Variants in FIP1L1 observed in about 807,000 individuals in gnomAD.
FIP1L1 encodes pre-mRNA 3'-end-processing factor FIP1.
A neutral mutation model predicts 84.6 loss-of-function variants in FIP1L1; 21 were observed. The observed-to-expected ratio is 0.25, with a 90% confidence interval of 0.18 to 0.36. The LOEUF is 0.36. Ranked by LOEUF, FIP1L1 falls within the 10% of genes least tolerant of loss-of-function variation. The probability of loss-of-function intolerance (pLI) is 1.00; values close to 1 mark genes in which losing one functional copy is unlikely to be tolerated. For missense variants in FIP1L1, 526 were observed against 751.1 expected (o/e 0.70, Z 3.50); for synonymous variants, 263 against 242.3 (o/e 1.09, Z -0.80).
chr4:53,415,113 C>A (rs758410531), intron 11 of FIP1L1, among the ~76,000 whole-genome samples: 1 of 152,116 alleles, frequency 6.6e-6, no homozygotes, highest in Non-Finnish European at 1.5e-5. Flanking sequence ...TAAAATTTGA[C>A]TCTACTGAAT....
intron 11 of FIP1L1, among the ~76,000 whole-genome samples, chr4:53,416,485 A>C (rs1285858415): frequency 1.3e-5 from 2 of 152,204 alleles, no homozygotes; most frequent in Non-Finnish European, 2.9e-5. Flanking sequence ...TCAAACCTGA[A>C]ACTCTTTATT....
intron 3 of FIP1L1, 125 bp from the exon 4 acceptor site, chr4:53,382,153 C>T (rs1578100566): frequency 1.6e-6 from 1 of 618,846 alleles, no homozygotes; most frequent in South Asian, 2.4e-5. Flanking sequence ...CAGATTTTAC[C>T]ATTACTGTCT....
intron 16 of FIP1L1, among the ~76,000 whole-genome samples, chr4:53,457,369 A>C (rs1252423552): frequency 6.6e-6 from 1 of 152,152 alleles, no homozygotes; most frequent in East Asian, 1.9e-4. Flanking sequence ...ACAAAAGTAC[A>C]TATTTATGGG....
intron 5 of FIP1L1, among the ~76,000 whole-genome samples, chr4:53,385,675 G>C (rs1159282625): frequency 6.6e-6 from 1 of 152,082 alleles, no homozygotes; most frequent in East Asian, 1.9e-4. Context: ...ATTTTCAAAT[G>C]CTCACAAAAG....
intron 10 of FIP1L1, among the ~76,000 whole-genome samples, chr4:53,405,452 A>C (rs1002562972): frequency 6.6e-6 from 1 of 151,954 alleles, no homozygotes; most frequent in Non-Finnish European, 1.5e-5. Flanking sequence ...TGATGCCTCC[A>C]GTTTGTTCTT....
At chr4:53,421,342 C>T (rs1260783816) in intron 11 of FIP1L1, among the ~76,000 whole-genome samples, 2 of 152,172 alleles carry the variant, frequency 1.3e-5, no homozygotes, top group Non-Finnish European at 2.9e-5. Flanking sequence ...CTGTTGCAAG[C>T]AAATGGATAG....
At chr4:53,388,487 C>T (rs1161271581) in intron 5 of FIP1L1, among the ~76,000 whole-genome samples, 2 of 151,998 alleles carry the variant, frequency 1.3e-5, no homozygotes, top group African/African-American at 4.8e-5. Flanking sequence ...GGCGCCCACC[C>T]CCATGCCTGG....
intron 10 of FIP1L1, among the ~76,000 whole-genome samples, chr4:53,411,692 T>C (rs935209986): frequency 7.9e-5 from 12 of 152,198 alleles, no homozygotes; most frequent in African/African-American, 2.9e-4. Flanking sequence ...TTAATGTATA[T>C]GTAAGTGTTG....
chr4:53,420,231 C>G (rs1336547583), intron 11 of FIP1L1, among the ~76,000 whole-genome samples: 1 of 128,040 alleles, frequency 7.8e-6, no homozygotes, highest in East Asian at 2.3e-4. Context: ...AAAAACCAGC[C>G]TGACCAACAT....
At chr4:53,388,716 A>G (rs1742526608) in intron 5 of FIP1L1, among the ~76,000 whole-genome samples, 3 of 152,244 alleles carry the variant, frequency 2.0e-5, no homozygotes, top group African/African-American at 4.8e-5. Context: ...CTAGTAACAG[A>G]AAAGTCTCTT....
At chr4:53,384,790 G>A (rs1740037966) in intron 5 of FIP1L1, among the ~76,000 whole-genome samples, 1 of 152,168 alleles carries the variant, frequency 6.6e-6, no homozygotes, top group South Asian at 2.1e-4. Context: ...AATGTGTTTT[G>A]TTTTTCAAAT....
At chr4:53,443,976 CT>C in intron 14 of FIP1L1, 71 bp from the exon 15 acceptor site, 1 of 1,016,120 alleles carries the variant, frequency 9.8e-7, no homozygotes, top group East Asian at 2.6e-5. Context: ...CTTGTTTTTC[CT>C]TTTGTACTAC....
chr4:53,452,190 AT>A lies in FIP1L1; in HGVS notation c.1286-728del, dbSNP rs1212712124. ...AGCCACTGCACCTGGCATGATAGAC[AT>A]TCTTTTGGTAAAGTCTGTTGGTTGT... is the stretch of plus-strand genomic sequence containing the variant. On this transcript the variant is annotated intron_variant, in intron 15 of 17. Transcript: ENST00000337488. 2.5e-4 allele frequency among the ~76,000 whole-genome samples: 38 copies of A among 152,168 alleles called. 1 individual carries two copies. Among genetic ancestry groups the A allele is most frequent in the African/African-American group, 8.7e-4 (36 of 41,538 alleles).
At position 53,396,296 on chromosome 4, in the gene FIP1L1, G is replaced by C. The variant is rs111361804; in HGVS notation, c.706-3434G>C. ...ATACAAAGCAATCATGGATGTAACA[G>C]AACTTCAAAGGAAATAAAACATTGG... On this transcript the variant is annotated intron_variant, in intron 9 of 17. Transcript: ENST00000337488. Among the ~76,000 whole-genome samples the C allele has an allele frequency of 6.5e-3, 997 of 152,244 alleles. 11 individuals carry two copies. The highest frequency in any genetic ancestry group is 0.023 in the African/African-American group (962 of 41,544).
chr4:53,398,070 A>G (rs1406941368), intron 9 of FIP1L1, among the ~76,000 whole-genome samples: 2 of 152,088 alleles, frequency 1.3e-5, no homozygotes, highest in East Asian at 1.9e-4. Context: ...GATTTTTTTC[A>G]TAATATTTAT....
intron 10 of FIP1L1, among the ~76,000 whole-genome samples, chr4:53,400,651 ATAATC>A (rs1462765783): frequency 2.0e-5 from 3 of 152,232 alleles, no homozygotes; most frequent in African/African-American, 7.2e-5. Flanking sequence ...ACATTTTAGA[ATAATC>A]TAATGCAGGA....
chr4:53,425,741 A>C (rs1764069099), intron 11 of FIP1L1, 131 bp from the exon 12 acceptor site: 2 of 608,742 alleles, frequency 3.3e-6, no homozygotes, highest in African/African-American at 1.9e-5. Context: ...GATATTTTTC[A>C]ATGTGTATTG....
chr4:53,454,538 A>G (rs1345885574), intron 16 of FIP1L1, among the ~76,000 whole-genome samples: 1 of 152,224 alleles, frequency 6.6e-6, no homozygotes, highest in Non-Finnish European at 1.5e-5. Context: ...TACTATTGTT[A>G]GGAAAAAACA....
In FIP1L1 at chr4:53,432,398, CAAAAAAAAAAAAAAAAAAAAA is replaced by C. The variant is rs35596754; in HGVS notation, c.1174+4221_1174+4241del. Among the ~76,000 whole-genome samples the C allele has an allele frequency of 8.4e-3, 577 of 68,420 alleles. 6 individuals are homozygous for C. The highest frequency in any genetic ancestry group is 0.032 in the African/African-American group (546 of 16,808). The allele number at this position is 68,420 out of a possible 152,430, so 44.9% of individuals were successfully genotyped here. The stretch of plus-strand genomic sequence containing the variant: ...GGGCGACAAGAGCAAAACTCCATCT[CAAAAAAAAAAAAAAAAAAAAA>C]AAAAAGAAAGAAAACAAATACTGGC... On this transcript the variant is annotated intron_variant, in intron 13 of 17. Coordinates refer to ENST00000337488, the MANE Select transcript of FIP1L1 (RefSeq NM_030917.4).
Sources: allele counts gnomAD v4.1 joint callset (sites outside exome capture counted in the v4.1 genomes callset), GRCh38; gene constraint gnomAD v4.1.1; transcripts MANE v1.5; gene names NCBI Gene and HGNC (gene_info 2026-07-23, HGNC 2026-07-21).